Variants in ACOT7 observed in about 807,000 individuals in gnomAD.
ACOT7 encodes cytosolic acyl coenzyme A thioester hydrolase.
A neutral mutation model predicts 40.2 loss-of-function variants in ACOT7; 12 were observed. The observed-to-expected ratio is 0.30, with a 90% confidence interval of 0.19 to 0.48. ACOT7 has a LOEUF of 0.48. Ranked by LOEUF, ACOT7 falls within the 20% of genes least tolerant of loss-of-function variation. ACOT7 has a pLI of 0.99. For missense variants in ACOT7, 395 were observed against 530.8 expected, an observed-to-expected ratio of 0.74 and a Z score of 2.51; for synonymous variants, 228 against 219.5, an observed-to-expected ratio of 1.04 and a Z score of -0.34.
intron 3 of ACOT7, among the ~76,000 whole-genome samples, chr1:6,336,333 CAAAAA>C (rs3029068): frequency 1.9e-4 from 10 of 52,770 alleles, no homozygotes; most frequent in South Asian, 7.1e-4. Context: ...GACTCGGTCT[CAAAAA>C]AAAAAAAAAA....
rs1641185759 is a variant in ACOT7 at position 6,338,971 on chromosome 1, G to T, written c.418+462C>A. Among the ~76,000 whole-genome samples the T allele has an allele frequency of 6.6e-6, 1 of 152,212 alleles. No homozygotes were observed. The highest frequency in any genetic ancestry group is 2.4e-5 in the African/African-American group (1 of 41,454). On this transcript the variant is annotated intron_variant, in intron 3 of 8. Coordinates refer to ENST00000361521, the MANE Select transcript of ACOT7 (RefSeq NM_007274.4). This position sits in a 1 kb window ranked among gnomAD's most constrained non-coding sequence, Gnocchi z 4.4. ...AAGCAGAGGCAAAGGTTCACCCAGTGAGCTTCCATCTGAGCCTGGTTTCTG... is the reference window on the plus strand; with the variant it reads ...AAGCAGAGGCAAAGGTTCACCCAGTTAGCTTCCATCTGAGCCTGGTTTCTG...
At chr1:6,307,063 C>T (rs1483887989) in intron 6 of ACOT7, among the ~76,000 whole-genome samples, 1 of 152,150 alleles carries the variant, frequency 6.6e-6, no homozygotes, top group Admixed American at 6.5e-5. Flanking sequence ...CCCCCAGCAG[C>T]GTTGTTTGGC....
intron 6 of ACOT7, 45 bp from the exon 7 acceptor site, chr1:6,295,025 G>T: frequency 1.4e-6 from 2 of 1,474,194 alleles, no homozygotes; most frequent in Non-Finnish European, 1.9e-6. Context: ...GGAGGCAGAG[G>T]AGATTATTTC....
At position 6,365,585 on chromosome 1, in the gene ACOT7, C is replaced by T. The variant is rs184464624; in HGVS notation, c.144-15719G>A. Among the ~76,000 whole-genome samples the T allele has an allele frequency of 5.5e-4, 83 of 151,948 alleles. 1 individual carries two copies. Among genetic ancestry groups the T allele is most frequent in the African/African-American group, 1.9e-3 (78 of 41,482 alleles). On this transcript the variant is annotated intron_variant, in intron 1 of 8. Transcript: ENST00000361521. ...GAGATCGAGACCATCCTGGCTAACA[C>T]GGTGAAACCCCATCTCTACTAAAAA...
chr1:6,301,449 G>A lies in ACOT7; in HGVS notation c.713-6469C>T, dbSNP rs753538550. On this transcript the variant is annotated intron_variant, in intron 6 of 8. Transcript: ENST00000361521. This position sits in a 1 kb window ranked among gnomAD's most constrained non-coding sequence, Gnocchi z 4.1. The stretch of plus-strand genomic sequence containing the variant: ...AGCGGCTATTGAGTGCCTGGTGTGC[G>A]AATACCCTCTTCACCACCCCCATGC... Among the ~76,000 whole-genome samples the A allele has an allele frequency of 1.3e-5, 2 of 152,270 alleles. No individual in the cohort carries two copies. The highest frequency in any genetic ancestry group is 4.1e-4 in the South Asian group (2 of 4,828).
intron 2 of ACOT7, among the ~76,000 whole-genome samples, chr1:6,345,358 C>T (rs991923174): frequency 1.3e-5 from 2 of 152,250 alleles, no homozygotes; most frequent in Admixed American, 1.3e-4. Context: ...GCTGCAGAGG[C>T]AGAGCCTAAA....
At chr1:6,378,717 G>C (rs972279237) in intron 1 of ACOT7, among the ~76,000 whole-genome samples, 3 of 151,840 alleles carry the variant, frequency 2.0e-5, no homozygotes, top group African/African-American at 7.2e-5. Context: ...ATGTGCCATG[G>C]GACAGGCAAA....
At chr1:6,295,231 C>G (rs1639780090) in intron 6 of ACOT7, 1 of 372,768 alleles carries the variant, frequency 2.7e-6, no homozygotes, top group South Asian at 3.7e-5. Context: ...CTTTTCCTGT[C>G]CTCTACAGAT....
Position 6,275,061 on chromosome 1 carries a change from G to A in ACOT7, c.1014+6041C>T, listed in dbSNP as rs1047601696. ...CCTGCCTGGTGCCCGCCTCCTGTCT[G>A]GGGATGGGAAGCATCTGTGAGCAGA... On this transcript the variant is annotated intron_variant, in intron 8 of 8. Transcript: ENST00000361521. This position sits in a 1 kb window ranked among gnomAD's most constrained non-coding sequence, Gnocchi z 5.6. Among the ~76,000 whole-genome samples the A allele has an allele frequency of 6.6e-6, 1 of 152,196 alleles. No homozygotes were observed. Among genetic ancestry groups the A allele is most frequent in the African/African-American group, 2.4e-5 (1 of 41,446 alleles).
chr1:6,356,514 T>G (rs973526078), intron 1 of ACOT7, among the ~76,000 whole-genome samples: 3 of 152,090 alleles, frequency 2.0e-5, no homozygotes, highest in Non-Finnish European at 4.4e-5. Context: ...CAGGCCCCTG[T>G]GCGGTGACCT....
chr1:6,304,559 G>T (rs1640067668), intron 6 of ACOT7, among the ~76,000 whole-genome samples: 1 of 134,086 alleles, frequency 7.5e-6, no homozygotes, highest in South Asian at 2.5e-4. Context: ...CAGTGTTTGT[G>T]TCCCTGGGTA....
In ACOT7 at chr1:6,306,231, G is replaced by A; in HGVS notation, c.713-11251C>T. 8 of 982,824 alleles carry A rather than the reference G, an allele frequency of 8.1e-6. No homozygotes were observed. Among genetic ancestry groups the A allele is most frequent in the Non-Finnish European group, 8.4e-6 (7 of 828,528 alleles). 60.9% of individuals were successfully genotyped at this position (982,824 alleles called of 1,614,324 possible). A position where few individuals can be genotyped will look rare whatever the true frequency, so the allele number is the denominator to read the frequency against. On this transcript the variant is annotated intron_variant, in intron 6 of 8. Coordinates refer to ENST00000361521, the MANE Select transcript of ACOT7 (RefSeq NM_007274.4). The surrounding 1 kb of genome is among the most constrained non-coding windows in gnomAD (Gnocchi z 4.3). ...GAGAGGGGGAGGGGGAGGGGGAGAG[G>A]GAGAGGACGTTCTTACGGTTCATGG...
At chr1:6,305,689 C>G (rs1407969882) in intron 6 of ACOT7, among the ~76,000 whole-genome samples, 1 of 151,452 alleles carries the variant, frequency 6.6e-6, no homozygotes, top group Non-Finnish European at 1.5e-5. Flanking sequence ...GGCAGAGACG[C>G]TCCTCACTTT....
intron 8 of ACOT7, among the ~76,000 whole-genome samples, chr1:6,267,461 ATGCCTGCCTGCC>A (rs112611465): frequency 2.0e-5 from 3 of 152,030 alleles, no homozygotes; most frequent in Admixed American, 2.0e-4. Flanking sequence ...AGGTCAGGAG[ATGCCTGCCTGCC>A]TGCCTGCCTG....
intron 6 of ACOT7, among the ~76,000 whole-genome samples, chr1:6,300,496 A>T (rs1439030533): frequency 8.6e-5 from 13 of 150,316 alleles, no homozygotes; most frequent in Admixed American, 7.3e-4. Context: ...ACCGGACCCC[A>T]CCCGATCCTG....
intron 6 of ACOT7, among the ~76,000 whole-genome samples, chr1:6,307,088 A>G (rs1158877157): frequency 6.6e-6 from 1 of 152,156 alleles, no homozygotes; most frequent in Non-Finnish European, 1.5e-5. Flanking sequence ...CAGCAGCTAG[A>G]CACCTGCATG....
intron 6 of ACOT7, among the ~76,000 whole-genome samples, chr1:6,298,612 C>T (rs779560979): frequency 2.0e-5 from 3 of 152,198 alleles, no homozygotes; most frequent in Non-Finnish European, 2.9e-5. Context: ...GATGCCGCTC[C>T]GGGTGCCAGG....
chr1:6,266,239 A>C (rs910219191), intron 8 of ACOT7, among the ~76,000 whole-genome samples: 1 of 152,226 alleles, frequency 6.6e-6, no homozygotes, highest in Non-Finnish European at 1.5e-5. Flanking sequence ...GGGAAAATGA[A>C]ATGTTCTTTC....
At chr1:6,310,515 T>G (rs78772750) in intron 6 of ACOT7, among the ~76,000 whole-genome samples, 2,939 of 152,064 alleles carry the variant, frequency 0.019, 91 homozygotes, top group African/African-American at 0.068. Context: ...TCTGGAGAGG[T>G]CCAGGGACAT....
Sources: allele counts gnomAD v4.1 joint callset (sites outside exome capture counted in the v4.1 genomes callset), GRCh38; gene constraint gnomAD v4.1.1; non-coding constraint Gnocchi (gnomAD v3.1); transcripts MANE v1.5; gene names NCBI Gene and HGNC (gene_info 2026-07-23, HGNC 2026-07-21).